The following JRK variants were observed in gnomAD, a reference collection of about 807,000 sequenced individuals.
JRK encodes the protein jerky protein homolog.
For synonymous variants in JRK, 303 were observed against 218.1 expected (o/e 1.39, Z -3.43); for missense variants, 720 against 509.2 (o/e 1.41, Z -3.98).
In JRK at chr8:142,661,767, G is replaced by A. The variant is rs1846923346; in HGVS notation, c.*2585C>T. ...TGTGCTGTGGTGTCTGGTACAGCGGGGCTCCACCTGAGAGGGCTTGGGGAA... is the reference window on the plus strand; with the variant it reads ...TGTGCTGTGGTGTCTGGTACAGCGGAGCTCCACCTGAGAGGGCTTGGGGAA... On this transcript the variant is annotated 3_prime_UTR_variant, in exon 2 of 2. Transcript: ENST00000612905. 1.0e-6 allele frequency: 1 copy of A among 985,494 alleles called. No homozygotes were observed. The highest frequency in any genetic ancestry group is 1.7e-5 in the African/African-American group (1 of 57,356). 61.0% of individuals were successfully genotyped at this position (985,494 alleles called of 1,614,324 possible).
chr8:142,648,492 C>G, the JRK span, among the ~76,000 whole-genome samples: 2 of 152,356 alleles, frequency 1.3e-5, no homozygotes, highest in Non-Finnish European at 2.9e-5. Flanking sequence ...ACATAGAGCT[C>G]AGGTCATGGC....
the JRK span, among the ~76,000 whole-genome samples, chr8:142,646,104 G>A: frequency 2.0e-5 from 3 of 152,022 alleles, no homozygotes; most frequent in Non-Finnish European, 4.4e-5. Context: ...TTGCCTACAA[G>A]TATTTATCCC....
At chr8:142,649,836 T>G in the JRK span, among the ~76,000 whole-genome samples, 24 of 152,348 alleles carry the variant, frequency 1.6e-4, no homozygotes, top group Non-Finnish European at 3.2e-4. Flanking sequence ...CAGTCCCCAC[T>G]GGGGCACTGC....
Position 142,662,734 on chromosome 8 carries a change from A to C in JRK, c.*1618T>G, listed in dbSNP as rs782584295. The C allele has an allele frequency of 6.1e-6, 6 of 985,496 alleles. No individual in the cohort carries two copies. Among genetic ancestry groups the C allele is most frequent in the Non-Finnish European group, 7.2e-6 (6 of 829,936 alleles). 61.0% of individuals were successfully genotyped at this position (985,496 alleles called of 1,614,324 possible). On this transcript the variant is annotated 3_prime_UTR_variant, in exon 2 of 2. Coordinates refer to ENST00000612905, the MANE Select transcript of JRK (RefSeq NM_003724.4). ...CACAGCGAGCCAAATCCTCTCCTTCATGAGAACAGAGGTTTCAGTGGAATC... is the reference window on the plus strand; with the variant it reads ...CACAGCGAGCCAAATCCTCTCCTTCCTGAGAACAGAGGTTTCAGTGGAATC...
chr8:142,651,732 CT>C, the JRK span, among the ~76,000 whole-genome samples: 154 of 152,266 alleles, frequency 1.0e-3, no homozygotes, highest in Non-Finnish European at 1.6e-3. Context: ...AATTGCACAA[CT>C]TATATCATTA....
At position 142,664,785 on chromosome 8, in the gene JRK, C is replaced by A; in HGVS notation, c.1274G>T (p.Gly425Val). 1.3e-6 allele frequency: 2 copies of A among 1,590,742 alleles called. No homozygotes were observed. Among genetic ancestry groups the A allele is most frequent in the South Asian group, 1.1e-5 (1 of 87,736 alleles). Residue 425 changes from glycine to valine, a missense_variant, in exon 2 of 2, where the codon GGC becomes GTC. Transcript: ENST00000612905. Reference protein sequence around the residue: ...FAHILELVKEGSSCPGQLRQR... With the variant: ...FAHILELVKEVSSCPGQLRQR... ...GCGAAGCTGGCCCGGGCAGGAGGAG[C>A]CTTCCTTCACAAGCTCCAGGATGTG...
At position 142,664,171 on chromosome 8, in the gene JRK, G is replaced by A. The variant is rs145501689; in HGVS notation, c.*181C>T. 1.4e-3 allele frequency: 1,901 copies of A among 1,361,158 alleles called. 5 individuals carry two copies. The highest frequency in any genetic ancestry group is 2.4e-3 in the Middle Eastern group (9 of 3,682). 84.3% of individuals were successfully genotyped at this position (1,361,158 alleles called of 1,614,324 possible). On this transcript the variant is annotated 3_prime_UTR_variant, in exon 2 of 2. Coordinates refer to ENST00000612905, the MANE Select transcript of JRK (RefSeq NM_003724.4). ...GATAAAATAAAACCTGTATTGACAG[G>A]AACCTCGGGCACAGACCGTCCTGGG...
chr8:142,643,911 C>T, the JRK span, among the ~76,000 whole-genome samples: 1 of 152,140 alleles, frequency 6.6e-6, no homozygotes, highest in Non-Finnish European at 1.5e-5. Flanking sequence ...AAATTTTGTT[C>T]ATAGGAATAT....
At position 142,662,029 on chromosome 8, in the gene JRK, G is replaced by C. The variant is rs1158355746; in HGVS notation, c.*2323C>G. The C allele has an allele frequency of 1.7e-5, 17 of 985,372 alleles. No individual in the cohort carries two copies. The highest frequency in any genetic ancestry group is 1.9e-5 in the Non-Finnish European group (16 of 830,018). 61.0% of individuals were successfully genotyped at this position (985,372 alleles called of 1,614,324 possible). On this transcript the variant is annotated 3_prime_UTR_variant, in exon 2 of 2. Coordinates refer to ENST00000612905, the MANE Select transcript of JRK (RefSeq NM_003724.4). ...GTGAGGAGGGGCTGCAGGAGGAGCA[G>C]GGCCCGAGTCCCCTGGGTGGCACAA...
Position 142,660,498 on chromosome 8 carries a change from T to C in JRK, c.*3854A>G. The C allele has an allele frequency of 4.5e-6, 4 of 884,286 alleles. No homozygotes were observed. The highest frequency in any genetic ancestry group is 5.4e-6 in the Non-Finnish European group (4 of 737,810). The allele number at this position is 884,286 out of a possible 1,614,324, so 54.8% of individuals were successfully genotyped here. On this transcript the variant is annotated 3_prime_UTR_variant, in exon 2 of 2. Coordinates refer to ENST00000612905, the MANE Select transcript of JRK (RefSeq NM_003724.4). ...TCACTGCAGCCTCAAACTCCTGGGC[T>C]TGGGGATCCTCCCGCCTCGGCCTCC...
At chr8:142,669,020 A>G (rs1847223153) in intron 1 of JRK, among the ~76,000 whole-genome samples, 2 of 152,020 alleles carry the variant, frequency 1.3e-5, no homozygotes, top group Admixed American at 1.3e-4. Context: ...ACGGGATGAA[A>G]CGTGCAATTC....
chr8:142,660,567 T>C lies in JRK; in HGVS notation c.*3785A>G. On this transcript the variant is annotated 3_prime_UTR_variant, in exon 2 of 2. Coordinates refer to ENST00000612905, the MANE Select transcript of JRK (RefSeq NM_003724.4). ...GGCACATGCCACCACACCTGGCTCA[T>C]TTTCTTTTACTTTCTGTAGAGATGG... The C allele has an allele frequency of 2.8e-6, 2 of 705,082 alleles. No homozygotes were observed. Among genetic ancestry groups the C allele is most frequent in the Admixed American group, 6.3e-5 (1 of 15,890 alleles). 43.7% of individuals were successfully genotyped at this position (705,082 alleles called of 1,614,324 possible).
At chr8:142,644,894 A>G in the JRK span, among the ~76,000 whole-genome samples, 2 of 152,258 alleles carry the variant, frequency 1.3e-5, no homozygotes, top group South Asian at 4.1e-4. Context: ...GGAGTTAGTT[A>G]ATGCTTCCAG....
At chr8:142,647,933 C>G in the JRK span, among the ~76,000 whole-genome samples, 1 of 152,192 alleles carries the variant, frequency 6.6e-6, no homozygotes, top group African/African-American at 2.4e-5. Flanking sequence ...CAATAAAGTC[C>G]AGGCTGAGGT....
intron 1 of JRK, 56 bp downstream of exon 1, chr8:142,669,876 C>CG (rs1423479494): frequency 6.5e-6 from 1 of 152,890 alleles, no homozygotes; most frequent in Non-Finnish European, 1.5e-5. Context: ...GGAGAGCGCC[C>CG]GCACCCATCC....
rs375937258 is a variant in JRK, at chr8:142,664,963, C to T, written c.1096G>A (p.Val366Met). 34 of 755,398 alleles carry T rather than the reference C, an allele frequency of 4.5e-5. No individual in the cohort carries two copies. Among genetic ancestry groups the T allele is most frequent in the African/African-American group, 2.6e-4 (15 of 58,418 alleles). 46.8% of individuals were successfully genotyped at this position (755,398 alleles called of 1,614,324 possible). The stretch of plus-strand genomic sequence containing the variant: ...GGGACTGCGTTCCAGGCACAGGCCA[C>T]GCTGAATATGGCATCGTTCATGTTG... ...RYNMNDAIFS[V>M]ACAWNAVPSH... The change falls in exon 2 of 2, where the codon GTG becomes ATG. Residue 366 changes from valine (V) to methionine (M), a missense_variant. Physicochemically the swap from Val to Met is conservative, Grantham distance 21 (BLOSUM62 1). Coordinates refer to ENST00000612905, the MANE Select transcript of JRK (RefSeq NM_003724.4).
At position 142,665,881 on chromosome 8, in the gene JRK, C is replaced by T. The variant is rs782125352; in HGVS notation, c.178G>A (p.Ala60Thr). 2 of 784,044 alleles carry T rather than the reference C, an allele frequency of 2.6e-6. No individual in the cohort carries two copies. Among genetic ancestry groups the T allele is most frequent in the Non-Finnish European group, 4.7e-6 (2 of 421,690 alleles). 48.6% of individuals were successfully genotyped at this position (784,044 alleles called of 1,614,324 possible). A position where few individuals can be genotyped will look rare whatever the true frequency, so the allele number is the denominator to read the frequency against. ...CTGGCGAAGAACCGGAGCAGCTGCG[C>T]CTTGTGGGCCCTGATGTCGTAGAGG... ...STLYDIRAHK[A>T]QLLRFFASSD... The change falls in exon 2 of 2, where the codon GCG becomes ACG. Residue 60 changes from alanine to threonine, a missense_variant. By Grantham distance (58) the Ala-to-Thr change is moderately conservative (BLOSUM62 0). Transcript: ENST00000612905.
chr8:142,648,064 G>C, the JRK span, among the ~76,000 whole-genome samples: 3 of 152,238 alleles, frequency 2.0e-5, no homozygotes, highest in Non-Finnish European at 4.4e-5. Flanking sequence ...TTCTGAACTT[G>C]AGAGAGATGA....
Position 142,659,489 on chromosome 8 carries a change from G to A in JRK, c.*4863C>T. 1.0e-6 allele frequency: 1 copy of A among 986,478 alleles called. No homozygotes were observed. The highest frequency in any genetic ancestry group is 4.7e-5 in the South Asian group (1 of 21,348). 61.1% of individuals were successfully genotyped at this position (986,478 alleles called of 1,614,324 possible). A position where few individuals can be genotyped will look rare whatever the true frequency, so the allele number is the denominator to read the frequency against. ...GGGTGTGGAAATGGCCGTGCTGACA[G>A]GCTCTCTGCGATAGGGCCCAGCCAT... On this transcript the variant is annotated 3_prime_UTR_variant, in exon 2 of 2. Coordinates refer to ENST00000612905, the MANE Select transcript of JRK (RefSeq NM_003724.4).
Sources: allele counts gnomAD v4.1 joint callset (sites outside exome capture counted in the v4.1 genomes callset), GRCh38; gene constraint gnomAD v4.1.1; transcripts MANE v1.5; gene names NCBI Gene and HGNC (gene_info 2026-07-23, HGNC 2026-07-21).